The following LMNTD1 variants were observed in gnomAD, a reference collection of about 807,000 sequenced individuals.
The protein encoded by LMNTD1 is lamin tail domain-containing protein 1.
Under a neutral mutation model 50.9 loss-of-function variants are expected in LMNTD1, and 35 were observed. That is an observed-to-expected ratio of 0.69 (90% confidence interval 0.53 to 0.91). LMNTD1 has a LOEUF of 0.91. LMNTD1 is among the 40% of genes least tolerant of loss of function. The probability of loss-of-function intolerance (pLI) is 0.00; values close to 1 mark genes in which losing one functional copy is unlikely to be tolerated. For missense variants in LMNTD1, 470 were observed against 475.5 expected (o/e 0.99, Z 0.11); for synonymous variants, 153 against 161.9 (o/e 0.94, Z 0.42).
rs763353508 is a variant in LMNTD1, at chr12:25,518,814, G to C, written c.1170C>G (p.Thr390=). ...ACTGACCTGAGGCTCGATTAGGTCT[G>C]GTTGACCGAGTCCTGGGCTGTCTAT... ...RLDRQPRTRS[T]RPNRASGSKK... is the part of the protein sequence containing the mutation. Residue 390 remains threonine (T), a synonymous_variant, in exon 8 of 10, where the codon ACC becomes ACG. Coordinates refer to ENST00000458174, the MANE Select transcript of LMNTD1 (RefSeq NM_001145728.2). 4 of 1,614,106 alleles carry C rather than the reference G, an allele frequency of 2.5e-6. No individual in the cohort carries two copies. The highest frequency in any genetic ancestry group is 2.5e-6 in the Non-Finnish European group (3 of 1,179,990).
At chr12:25,610,371 T>C (rs1043148342) in intron 1 of LMNTD1, among the ~76,000 whole-genome samples, 10 of 152,090 alleles carry the variant, frequency 6.6e-5, no homozygotes, top group African/African-American at 1.4e-4. Flanking sequence ...CCCAATGAGA[T>C]GAACCAGGTA....
intron 6 of LMNTD1, among the ~76,000 whole-genome samples, chr12:25,524,039 A>G (rs563459510): frequency 6.6e-6 from 1 of 152,292 alleles, no homozygotes; most frequent in East Asian, 1.9e-4. Flanking sequence ...AGAGTCCAGA[A>G]GGTGAAAATG....
At chr12:25,604,696 G>A (rs1348875360) in intron 1 of LMNTD1, among the ~76,000 whole-genome samples, 1 of 152,162 alleles carries the variant, frequency 6.6e-6, no homozygotes, top group African/African-American at 2.4e-5. Flanking sequence ...TTTTATGGCT[G>A]CATAGTATCC....
At chr12:25,587,095 C>T (rs994842879) in intron 1 of LMNTD1, among the ~76,000 whole-genome samples, 16 of 152,300 alleles carry the variant, frequency 1.1e-4, no homozygotes, top group African/African-American at 3.8e-4. Flanking sequence ...TCTTGGATGG[C>T]TCCTTCTTCT....
At chr12:25,547,420 T>C (rs1943499867) in intron 3 of LMNTD1, 1 of 151,764 alleles carries the variant, frequency 6.6e-6, no homozygotes, top group Non-Finnish European at 1.5e-5. Context: ...ATCATGTAAG[T>C]GTCTAGCATA....
At chr12:25,501,101 TGCCTCA>T (rs1474651526) in intron 9 of LMNTD1, among the ~76,000 whole-genome samples, 1 of 152,164 alleles carries the variant, frequency 6.6e-6, no homozygotes. Flanking sequence ...GCATTTCTCT[TGCCTCA>T]GCCTCTCGAG....
At chr12:25,540,888 C>T (rs1388990574) in intron 4 of LMNTD1, among the ~76,000 whole-genome samples, 1 of 132,406 alleles carries the variant, frequency 7.6e-6, no homozygotes, top group Non-Finnish European at 1.7e-5. Context: ...TCTCAGGATA[C>T]AAAATCAATG....
intron 4 of LMNTD1, among the ~76,000 whole-genome samples, chr12:25,544,507 C>G (rs1279455679): frequency 6.6e-6 from 1 of 151,716 alleles, no homozygotes; most frequent in African/African-American, 2.4e-5. Flanking sequence ...GTTTCCTTAT[C>G]CCTAAGCCAC....
chr12:25,647,727 AT>A (rs1947104443), intron 1 of LMNTD1, among the ~76,000 whole-genome samples: 1 of 152,240 alleles, frequency 6.6e-6, no homozygotes, highest in Non-Finnish European at 1.5e-5. Context: ...AGTACTATAC[AT>A]AAAAAAGCAT....
Position 25,485,594 on chromosome 12 carries a change from G to C in LMNTD1, c.*23-9134C>G, listed in dbSNP as rs1354625219. On this transcript the variant is annotated intron_variant, in intron 9 of 9. Transcript: ENST00000458174. Reference sequence around the variant, plus strand: ...AAGTCCTTTCCCATGCCTATGTCCTGAATGGTAATGCCTAGGTTTTCTTCT... The same window carrying C: ...AAGTCCTTTCCCATGCCTATGTCCTCAATGGTAATGCCTAGGTTTTCTTCT... Among the ~76,000 whole-genome samples the C allele has an allele frequency of 1.9e-3, 260 of 140,164 alleles. 1 individual carries two copies. Among genetic ancestry groups the C allele is most frequent in the African/African-American group, 6.6e-3 (245 of 37,082 alleles). The allele number at this position is 140,164 out of a possible 152,430, so 92.0% of individuals were successfully genotyped here.
chr12:25,537,657 T>C (rs977885209), intron 4 of LMNTD1, among the ~76,000 whole-genome samples: 3 of 151,780 alleles, frequency 2.0e-5, no homozygotes, highest in Admixed American at 2.0e-4. Context: ...ACTCTAAAAA[T>C]CAGAGCGCCT....
At chr12:25,640,638 T>C (rs1484393608) in intron 1 of LMNTD1, among the ~76,000 whole-genome samples, 1 of 152,034 alleles carries the variant, frequency 6.6e-6, no homozygotes, top group Non-Finnish European at 1.5e-5. Context: ...TGTAATAAAA[T>C]ATCAGCTTAT....
chr12:25,515,341 T>C (rs1424288393), intron 8 of LMNTD1, among the ~76,000 whole-genome samples: 1 of 152,116 alleles, frequency 6.6e-6, no homozygotes, highest in Non-Finnish European at 1.5e-5. Context: ...ATTAGGTCTC[T>C]CTATATTACT....
At chr12:25,551,035 C>A (rs1421748706) in intron 2 of LMNTD1, among the ~76,000 whole-genome samples, 1 of 152,124 alleles carries the variant, frequency 6.6e-6, no homozygotes, top group Non-Finnish European at 1.5e-5. Context: ...GGGAAGGAGA[C>A]TTTAGAGGTA....
intron 1 of LMNTD1, among the ~76,000 whole-genome samples, chr12:25,616,642 T>C (rs997580878): frequency 6.6e-6 from 1 of 152,246 alleles, no homozygotes; most frequent in Non-Finnish European, 1.5e-5. Flanking sequence ...TTTTGTGAGA[T>C]GTTACCATTG....
chr12:25,491,213 G>C (rs373307462), intron 9 of LMNTD1, among the ~76,000 whole-genome samples: 1 of 152,158 alleles, frequency 6.6e-6, no homozygotes, highest in Non-Finnish European at 1.5e-5. Flanking sequence ...CATTTTATAC[G>C]GAGAAAATCA....
chr12:25,609,842 A>G (rs1209133614), intron 1 of LMNTD1, among the ~76,000 whole-genome samples: 1 of 152,176 alleles, frequency 6.6e-6, no homozygotes, highest in Admixed American at 6.5e-5. Context: ...TTAGAGCTCA[A>G]ACACCATGCT....
chr12:25,506,441 T>A (rs1458876591), intron 8 of LMNTD1, among the ~76,000 whole-genome samples: 5 of 152,120 alleles, frequency 3.3e-5, no homozygotes, highest in Non-Finnish European at 7.4e-5. Context: ...TTAAACTGAA[T>A]ATGCTCACAA....
chr12:25,605,705 T>A (rs1203215093), intron 1 of LMNTD1, among the ~76,000 whole-genome samples: 1 of 152,180 alleles, frequency 6.6e-6, no homozygotes, highest in Non-Finnish European at 1.5e-5. Flanking sequence ...GGTCTATATC[T>A]CTGTTTTGGT....
Sources: gnomAD v4.1 joint callset for allele counts (sites outside exome capture counted in the v4.1 genomes callset) on GRCh38, gnomAD v4.1.1 for gene constraint, MANE v1.5 for transcripts, NCBI Gene and HGNC (gene_info 2026-07-23, HGNC 2026-07-21) for gene names.